TRIM44: variants seen among roughly 807,000 people sequenced by gnomAD.
TRIM44 encodes the protein tripartite motif-containing protein 44.
In TRIM44, 13 loss-of-function variants were observed where a neutral mutation model predicts 37.4. The ratio of observed to expected loss-of-function variants is 0.35; its 90% CI spans 0.23 to 0.55. The LOEUF (loss-of-function observed/expected upper bound fraction) is 0.55. Ranked by LOEUF, TRIM44 falls within the 20% of genes least tolerant of loss-of-function variation. The pLI is 0.89. For synonymous variants in TRIM44, 175 were observed against 157.2 expected (o/e 1.11, Z -0.85); for missense variants, 426 against 437.2 (o/e 0.97, Z 0.23).
intron 1 of TRIM44, among the ~76,000 whole-genome samples, chr11:35,674,215 T>G (rs1473571260): frequency 2.8e-5 from 4 of 143,926 alleles, no homozygotes; most frequent in African/African-American, 8.0e-5. Flanking sequence ...TGTGTGTGAG[T>G]GGGAGAGAGA....
At chr11:35,691,445 C>T (rs999429096) in intron 2 of TRIM44, among the ~76,000 whole-genome samples, 2 of 152,146 alleles carry the variant, frequency 1.3e-5, no homozygotes, top group Non-Finnish European at 2.9e-5. Context: ...GGGATTACAT[C>T]CCAATAAACC....
chr11:35,742,516 TATTA>T (rs1026238021), intron 4 of TRIM44, among the ~76,000 whole-genome samples: 12 of 133,468 alleles, frequency 9.0e-5, no homozygotes, highest in Non-Finnish European at 1.7e-4. Flanking sequence ...AATATAATTA[TATTA>T]ATTGTATTAT....
Position 35,770,886 on chromosome 11 carries a change from T to C in TRIM44, c.1007+35441T>C, listed in dbSNP as rs141589339. 3.8e-4 allele frequency among the ~76,000 whole-genome samples: 58 copies of C among 152,210 alleles called. 1 individual carries two copies. The East Asian group carries it at 0.011, about 29-fold the overall frequency. On this transcript the variant is annotated intron_variant, in intron 4 of 4. Transcript: ENST00000299413. ...TCTCTTGCCACCACCGTGTAAGAGG[T>C]ACCTTTTGCCTCCTGCCGTGAATCT... is the stretch of plus-strand genomic sequence containing the variant.
intron 4 of TRIM44, among the ~76,000 whole-genome samples, chr11:35,742,034 G>A (rs1852403739): frequency 6.6e-6 from 1 of 152,024 alleles, no homozygotes; most frequent in Non-Finnish European, 1.5e-5. Flanking sequence ...TGGCTTAAGT[G>A]ATCCTCCCAA....
At chr11:35,684,631 C>A (rs1851553394) in intron 1 of TRIM44, among the ~76,000 whole-genome samples, 1 of 152,128 alleles carries the variant, frequency 6.6e-6, no homozygotes, top group African/African-American at 2.4e-5. Context: ...TAGTTAATGG[C>A]AAATCCAAAA....
intron 2 of TRIM44, among the ~76,000 whole-genome samples, chr11:35,711,356 A>G (rs1851969252): frequency 6.6e-6 from 1 of 152,110 alleles, no homozygotes; most frequent in Non-Finnish European, 1.5e-5. Flanking sequence ...GGCCTCTGAC[A>G]GGAGGAGGCA....
intron 4 of TRIM44, among the ~76,000 whole-genome samples, chr11:35,775,948 C>A: frequency 6.6e-6 from 1 of 152,170 alleles, no homozygotes. Flanking sequence ...TGTTGTGTCT[C>A]TGCCAGGCTT....
chr11:35,727,181 C>T (rs1282553696), intron 3 of TRIM44, among the ~76,000 whole-genome samples: 1 of 150,506 alleles, frequency 6.6e-6, no homozygotes, highest in African/African-American at 2.4e-5. Flanking sequence ...AACCAAAAAA[C>T]TTATATTTCA....
intron 2 of TRIM44, among the ~76,000 whole-genome samples, chr11:35,693,251 A>T (rs1442440942): frequency 6.6e-6 from 1 of 152,136 alleles, no homozygotes; most frequent in Non-Finnish European, 1.5e-5. Flanking sequence ...TCAAATATAG[A>T]AGTACGGAGT....
chr11:35,784,341 A>G (rs1853101624), intron 4 of TRIM44, among the ~76,000 whole-genome samples: 1 of 152,210 alleles, frequency 6.6e-6, no homozygotes, highest in South Asian at 2.1e-4. Context: ...GATAACTTGT[A>G]AGATCCATTA....
intron 2 of TRIM44, among the ~76,000 whole-genome samples, chr11:35,715,267 G>T (rs1185802833): frequency 6.6e-6 from 1 of 152,108 alleles, no homozygotes; most frequent in Non-Finnish European, 1.5e-5. Context: ...CACGTTAAGG[G>T]GTGCTTGCCA....
intron 4 of TRIM44, among the ~76,000 whole-genome samples, chr11:35,745,179 T>C (rs1443817054): frequency 6.6e-6 from 1 of 152,188 alleles, no homozygotes; most frequent in Non-Finnish European, 1.5e-5. Context: ...TAATTTACAC[T>C]CCCACCAACA....
chr11:35,723,410 T>TA (rs1285451112), intron 2 of TRIM44, among the ~76,000 whole-genome samples: 1 of 152,232 alleles, frequency 6.6e-6, no homozygotes, highest in Non-Finnish European at 1.5e-5. Flanking sequence ...ATAACAAAGA[T>TA]ATATCAGCTT....
At chr11:35,677,237 A>G (rs1032364790) in intron 1 of TRIM44, among the ~76,000 whole-genome samples, 2 of 152,116 alleles carry the variant, frequency 1.3e-5, no homozygotes, top group Non-Finnish European at 2.9e-5. Context: ...TTTTGCCTCT[A>G]CAAATTTGAT....
intron 2 of TRIM44, among the ~76,000 whole-genome samples, chr11:35,708,226 A>G (rs1382192557): frequency 3.5e-4 from 53 of 152,372 alleles, no homozygotes; most frequent in African/African-American, 1.2e-3. Context: ...CACACCAGTT[A>G]GAATGGCGAT....
At chr11:35,725,862 ACT>A in intron 2 of TRIM44, 60 bp from the exon 3 acceptor site, 1 of 1,584,396 alleles carries the variant, frequency 6.3e-7, no homozygotes, top group South Asian at 1.2e-5. Flanking sequence ...TATAGTAATA[ACT>A]CTGCCCTTTT....
intron 4 of TRIM44, among the ~76,000 whole-genome samples, chr11:35,790,681 A>G (rs979545476): frequency 6.6e-6 from 1 of 152,166 alleles, no homozygotes; most frequent in African/African-American, 2.4e-5. Context: ...TGTGGTGTTC[A>G]TCTCTTTGCT....
intron 2 of TRIM44, among the ~76,000 whole-genome samples, chr11:35,705,027 C>T (rs1652617288): frequency 6.7e-6 from 1 of 148,294 alleles, no homozygotes; most frequent in Admixed American, 6.8e-5. Flanking sequence ...ATCTCACGTG[C>T]AGAGACACAC....
chr11:35,792,111 A>ACACACACT (rs796092540), intron 4 of TRIM44, among the ~76,000 whole-genome samples: 198 of 114,340 alleles, frequency 1.7e-3, no homozygotes, highest in African/African-American at 5.3e-3. Flanking sequence ...ACACACACAC[A>ACACACACT]CTCTCTCTCA....
Sources: allele counts gnomAD v4.1 joint callset (sites outside exome capture counted in the v4.1 genomes callset), GRCh38; gene constraint gnomAD v4.1.1; transcripts MANE v1.5; gene names NCBI Gene and HGNC (gene_info 2026-07-23, HGNC 2026-07-21).